Variants in MECOM observed in about 807,000 individuals in gnomAD.
MECOM encodes MDS1 and EVI1 complex locus, also known as histone-lysine N-methyltransferase MECOM.
MECOM carries 13 observed loss-of-function variants against 116.3 expected under a neutral mutation model. The observed-to-expected ratio is 0.11, with a 90% CI of 0.07 to 0.18. The LOEUF (loss-of-function observed/expected upper bound fraction) is 0.18, where lower values mean the gene tolerates loss of function less well. MECOM is among the 10% of genes least tolerant of loss of function. The probability of loss-of-function intolerance (pLI) is 1.00; values close to 1 mark genes in which losing one functional copy is unlikely to be tolerated. For missense variants in MECOM, 1,299 were observed against 1,509.0 expected (o/e 0.86, Z 2.31); for synonymous variants, 528 against 535.2 (o/e 0.99, Z 0.19).
chr3:169,593,973 T>C (rs989133681), intron 1 of MECOM, among the ~76,000 whole-genome samples: 7 of 151,388 alleles, frequency 4.6e-5, no homozygotes, highest in African/African-American at 1.7e-4. Flanking sequence ...ACAAAAAAAT[T>C]AGCCGGGTGT....
At chr3:169,416,407 C>T (rs990250618) in intron 1 of MECOM, among the ~76,000 whole-genome samples, 2 of 151,996 alleles carry the variant, frequency 1.3e-5, no homozygotes, top group African/African-American at 2.4e-5. Flanking sequence ...GCACTAAATG[C>T]CCACAGGAGA....
intron 1 of MECOM, among the ~76,000 whole-genome samples, chr3:169,479,270 AGTGTGT>A (rs10629993): frequency 6.7e-6 from 1 of 148,606 alleles, no homozygotes; most frequent in Non-Finnish European, 1.5e-5. Flanking sequence ...TAGGGATGTG[AGTGTGT>A]GTGTGTGTGT....
rs1776595741 is a variant in MECOM, at chr3:169,663,477, T to TCC, written c.-106_-105insGG. The TCC allele has an allele frequency of 6.4e-5, 1 of 15,732 alleles. No homozygotes were observed. The highest frequency in any genetic ancestry group is 3.9e-4 in the African/African-American group (1 of 2,590). The allele number at this position is 15,732 out of a possible 1,614,324, so 1.0% of individuals were successfully genotyped here. ...TCGCTCCCTCCCTCTCTCTCCTGTC[T>TCC]CTCTCTCTCTCTCTCTCTCTCTCTC... is the stretch of plus-strand genomic sequence containing the variant. On this transcript the variant is annotated 5_prime_UTR_variant, in exon 1 of 17. Coordinates refer to ENST00000651503, the MANE Select transcript of MECOM (RefSeq NM_004991.4).
chr3:169,663,184 A>C (rs1295464528), intron 1 of MECOM, among the ~76,000 whole-genome samples, 152 bp downstream of exon 1: 1 of 151,652 alleles, frequency 6.6e-6, no homozygotes, highest in African/African-American at 2.4e-5. Flanking sequence ...AGAGACTGGA[A>C]CCGGCAGGTT....
chr3:169,282,953 T>C (rs2149681614), intron 2 of MECOM, among the ~76,000 whole-genome samples: 1 of 152,250 alleles, frequency 6.6e-6, no homozygotes, highest in Non-Finnish European at 1.5e-5. Flanking sequence ...GAGATCCCTT[T>C]TTTACGGTAA....
chr3:169,508,619 G>A (rs1393607088), intron 1 of MECOM, among the ~76,000 whole-genome samples: 1 of 152,124 alleles, frequency 6.6e-6, no homozygotes, highest in Non-Finnish European at 1.5e-5. Context: ...GTGTGGTAAT[G>A]ATAAGAAACT....
chr3:169,628,790 C>G (rs537153516), intron 1 of MECOM, among the ~76,000 whole-genome samples: 1 of 152,142 alleles, frequency 6.6e-6, no homozygotes, highest in African/African-American at 2.4e-5. Flanking sequence ...CATTCCCTGT[C>G]CATGCTAGAG....
At chr3:169,638,148 A>G (rs528359007) in intron 1 of MECOM, among the ~76,000 whole-genome samples, 1 of 152,128 alleles carries the variant, frequency 6.6e-6, no homozygotes, top group Non-Finnish European at 1.5e-5. Context: ...AGTGAACTGT[A>G]TTTTTTCTCC....
intron 2 of MECOM, among the ~76,000 whole-genome samples, chr3:169,156,073 T>G (rs565230435): frequency 3.9e-4 from 60 of 152,328 alleles, no homozygotes; most frequent in Non-Finnish European, 7.4e-4. Context: ...CACACCAGCA[T>G]TTTCTAATTG....
intron 1 of MECOM, among the ~76,000 whole-genome samples, chr3:169,657,239 T>C (rs1560543575): frequency 6.6e-6 from 1 of 152,232 alleles, no homozygotes; most frequent in Non-Finnish European, 1.5e-5. Flanking sequence ...GCAGTTAATA[T>C]TTCACTTACT....
At chr3:169,254,765 G>A (rs1164560541) in intron 2 of MECOM, among the ~76,000 whole-genome samples, 5 of 151,952 alleles carry the variant, frequency 3.3e-5, no homozygotes, top group Non-Finnish European at 5.9e-5. Context: ...AAAAAATCTG[G>A]AAAACATTCC....
At chr3:169,351,988 C>T (rs149855317) in intron 2 of MECOM, among the ~76,000 whole-genome samples, 1 of 151,828 alleles carries the variant, frequency 6.6e-6, no homozygotes, top group Non-Finnish European at 1.5e-5. Context: ...CTTTGATTCA[C>T]GGAAAACTGC....
intron 2 of MECOM, among the ~76,000 whole-genome samples, chr3:169,357,991 C>T (rs1293960274): frequency 6.6e-6 from 1 of 151,628 alleles, no homozygotes; most frequent in Non-Finnish European, 1.5e-5. Context: ...ATTTTGGAAC[C>T]ATGTGTTATT....
chr3:169,517,902 A>G (rs1459185499), intron 1 of MECOM, among the ~76,000 whole-genome samples: 1 of 152,258 alleles, frequency 6.6e-6, no homozygotes, highest in African/African-American at 2.4e-5. Context: ...TTACATTCCA[A>G]CAGAGAAGTC....
At chr3:169,600,695 A>G (rs1767736498) in intron 1 of MECOM, among the ~76,000 whole-genome samples, 1 of 152,256 alleles carries the variant, frequency 6.6e-6, no homozygotes, top group Non-Finnish European at 1.5e-5. Context: ...TATTGGGCTC[A>G]TAATGAGCTC....
chr3:169,626,637 A>T (rs969018819), intron 1 of MECOM, among the ~76,000 whole-genome samples: 1 of 152,110 alleles, frequency 6.6e-6, no homozygotes, highest in Non-Finnish European at 1.5e-5. Flanking sequence ...CAACAATTTC[A>T]AGTTTTAAAG....
chr3:169,284,855 G>A (rs1162944614), intron 2 of MECOM, among the ~76,000 whole-genome samples: 1 of 152,100 alleles, frequency 6.6e-6, no homozygotes, highest in Admixed American at 6.6e-5. Context: ...TTATCACTGA[G>A]TTTTACATGT....
At chr3:169,258,048 C>A (rs1429194545) in intron 2 of MECOM, among the ~76,000 whole-genome samples, 1 of 152,074 alleles carries the variant, frequency 6.6e-6, no homozygotes, top group Non-Finnish European at 1.5e-5. Context: ...TGGCGAAACC[C>A]CATCTCTACT....
In MECOM at chr3:169,143,837, A is replaced by G. The variant is rs754896103; in HGVS notation, c.376-5T>C. The G allele has an allele frequency of 1.9e-6, 3 of 1,597,630 alleles. No homozygotes were observed. Among genetic ancestry groups the G allele is most frequent in the Non-Finnish European group, 1.7e-6 (2 of 1,172,096 alleles). On this transcript the variant is annotated splice_region_variant and splice_polypyrimidine_tract_variant and intron_variant, in intron 2 of 16. Coordinates refer to ENST00000651503, the MANE Select transcript of MECOM (RefSeq NM_004991.4). ...ATTGTAAAATTCGTCTAAGATCTGGAGGGAAGAAGATGAGAACAATCAATT... is the reference window on the plus strand; with the variant it reads ...ATTGTAAAATTCGTCTAAGATCTGGGGGGAAGAAGATGAGAACAATCAATT...
Sources: allele counts gnomAD v4.1 joint callset (sites outside exome capture counted in the v4.1 genomes callset), GRCh38; gene constraint gnomAD v4.1.1; transcripts MANE v1.5; gene names NCBI Gene and HGNC (gene_info 2026-07-23, HGNC 2026-07-21).